Variants in DYM observed in about 807,000 individuals in gnomAD.
The protein encoded by DYM is dyggve-Melchior-Clausen syndrome protein.
DYM carries 78 observed loss-of-function variants against 93.1 expected under a neutral mutation model. That is an observed-to-expected ratio of 0.84 (90% confidence interval 0.70 to 1.01). The LOEUF is 1.01. Ranked by LOEUF, DYM falls within the 50% of genes least tolerant of loss-of-function variation. The pLI is 0.00. For synonymous variants in DYM, 321 were observed against 319.7 expected, an observed-to-expected ratio of 1.00 and a Z score of -0.04; for missense variants, 789 against 845.0, an observed-to-expected ratio of 0.93 and a Z score of 0.82.
chr18:49,114,576 A>G (rs1395051810), intron 16 of DYM: 1 of 985,342 alleles, frequency 1.0e-6, no homozygotes, highest in Non-Finnish European at 1.2e-6. Context: ...ATGTGTTTCA[A>G]ATGGATGTAG....
chr18:49,103,194 T>G (rs547214286), intron 16 of DYM, among the ~76,000 whole-genome samples: 9 of 152,316 alleles, frequency 5.9e-5, no homozygotes, highest in African/African-American at 2.2e-4. Flanking sequence ...TCATGTGTCT[T>G]TTGGCTGCAT....
intron 8 of DYM, among the ~76,000 whole-genome samples, chr18:49,292,767 TAACTAAA>T (rs1404162325): frequency 4.6e-5 from 7 of 152,264 alleles, no homozygotes; most frequent in African/African-American, 1.2e-4. Context: ...AAAATCCATC[TAACTAAA>T]AACTAAAAAC....
intron 15 of DYM, among the ~76,000 whole-genome samples, chr18:49,128,416 C>T (rs1297607288): frequency 6.6e-6 from 1 of 152,170 alleles, no homozygotes; most frequent in Non-Finnish European, 1.5e-5. Flanking sequence ...TCCCTTTCCA[C>T]AGCCTACGAA....
Position 49,411,454 on chromosome 18 carries a change from G to A in DYM, c.140+18801C>T, listed in dbSNP as rs186516638. Among the ~76,000 whole-genome samples, 412 of 151,832 alleles carry A rather than the reference G, an allele frequency of 2.7e-3. 4 individuals carry two copies. The highest frequency in any genetic ancestry group is 9.3e-3 in the African/African-American group (385 of 41,210). On this transcript the variant is annotated intron_variant, in intron 2 of 17. Transcript: ENST00000675505. ...TGAAATCATAAACTATAGTGTGGTC[G>A]GGAAGCTAAAATTTTAAATTAAGTA...
chr18:49,372,661 C>G (rs1373837492), intron 5 of DYM, among the ~76,000 whole-genome samples: 4 of 152,174 alleles, frequency 2.6e-5, no homozygotes, highest in Non-Finnish European at 5.9e-5. Flanking sequence ...AGGAGAATTG[C>G]TTGAACCTGG....
At chr18:49,178,055 G>A (rs17776402) in intron 14 of DYM, among the ~76,000 whole-genome samples, 5,973 of 152,076 alleles carry the variant, frequency 0.039, 160 homozygotes, top group Middle Eastern at 0.095. Flanking sequence ...TACATAAACC[G>A]AAACCACAAA....
intron 16 of DYM, among the ~76,000 whole-genome samples, chr18:49,099,823 T>C (rs573066167): frequency 6.6e-6 from 1 of 152,282 alleles, no homozygotes; most frequent in South Asian, 2.1e-4. Flanking sequence ...CCATTTTCTG[T>C]GAGATTAGAC....
intron 1 of DYM, among the ~76,000 whole-genome samples, chr18:49,445,132 T>C (rs915468999): frequency 6.6e-6 from 1 of 152,216 alleles, no homozygotes; most frequent in Admixed American, 6.5e-5. Context: ...ATGTTTTCTC[T>C]CTTGTTATGT....
chr18:49,193,989 C>T (rs1021442357), intron 14 of DYM, among the ~76,000 whole-genome samples: 2 of 152,170 alleles, frequency 1.3e-5, no homozygotes, highest in Non-Finnish European at 2.9e-5. Flanking sequence ...TGATTTACAT[C>T]ACTGTCTATT....
chr18:49,160,796 G>A (rs933860071), intron 15 of DYM, among the ~76,000 whole-genome samples: 1 of 152,108 alleles, frequency 6.6e-6, no homozygotes, highest in African/African-American at 2.4e-5. Flanking sequence ...AAGAGAAAAT[G>A]GTTTCAAATG....
At chr18:49,235,883 C>T (rs1436821043) in intron 13 of DYM, among the ~76,000 whole-genome samples, 1 of 151,688 alleles carries the variant, frequency 6.6e-6, no homozygotes, top group Non-Finnish European at 1.5e-5. Flanking sequence ...ATAAAATTTT[C>T]ATATTCTTTT....
At chr18:49,311,651 C>T (rs1399838588) in intron 8 of DYM, among the ~76,000 whole-genome samples, 1 of 147,350 alleles carries the variant, frequency 6.8e-6, no homozygotes, top group African/African-American at 2.5e-5. Flanking sequence ...ACCACATGTT[C>T]TCACTCATAG....
chr18:49,375,268 T>A (rs142752110), intron 5 of DYM, among the ~76,000 whole-genome samples: 1,521 of 150,690 alleles, frequency 0.01, 29 homozygotes, highest in African/African-American at 0.035. Flanking sequence ...AAAAAATATA[T>A]ATATATAAAC....
intron 14 of DYM, among the ~76,000 whole-genome samples, chr18:49,165,777 C>T (rs182308828): frequency 8.6e-5 from 13 of 152,004 alleles, no homozygotes; most frequent in East Asian, 1.9e-4. Flanking sequence ...TATATCTGAA[C>T]GAACGATTTC....
chr18:49,215,917 C>A (rs541448638), intron 13 of DYM, among the ~76,000 whole-genome samples: 1 of 152,226 alleles, frequency 6.6e-6, no homozygotes, highest in Admixed American at 6.5e-5. Context: ...GTGGGTGCAG[C>A]GCACCGTGCG....
intron 16 of DYM, among the ~76,000 whole-genome samples, chr18:49,098,920 A>G (rs1490971564): frequency 6.6e-6 from 1 of 152,236 alleles, no homozygotes; most frequent in African/African-American, 2.4e-5. Flanking sequence ...AATACACAAA[A>G]TAAATGCTTT....
chr18:49,269,340 A>G (rs972511772), intron 11 of DYM, among the ~76,000 whole-genome samples: 6 of 152,176 alleles, frequency 3.9e-5, no homozygotes, highest in African/African-American at 1.4e-4. Flanking sequence ...AGGAAACAGA[A>G]CCCTTACACA....
chr18:49,265,499 C>A lies in DYM; in HGVS notation c.1251+6679G>T, dbSNP rs191888716. On this transcript the variant is annotated intron_variant, in intron 11 of 17. Transcript: ENST00000675505. ...CCACAGAAATATTCTGTGAAGAAGG[C>A]CAGGCACAGTGGCTCACGCCTGTAA... Among the ~76,000 whole-genome samples the A allele has an allele frequency of 3.5e-4, 54 of 152,266 alleles. 1 individual carries two copies. The South Asian group carries it at 0.01, about 29-fold the overall frequency.
At chr18:49,069,530 A>T (rs144626092) in intron 17 of DYM, among the ~76,000 whole-genome samples, 118 of 152,352 alleles carry the variant, frequency 7.7e-4, no homozygotes, top group African/African-American at 2.7e-3. Context: ...AAAAGTTCTT[A>T]TAAGATACTG....
Sources: allele counts gnomAD v4.1 joint callset (sites outside exome capture counted in the v4.1 genomes callset), GRCh38; gene constraint gnomAD v4.1.1; transcripts MANE v1.5; gene names NCBI Gene and HGNC (gene_info 2026-07-23, HGNC 2026-07-21).